RIMS2: variants seen among roughly 807,000 people sequenced by gnomAD.
The protein encoded by RIMS2 is regulating synaptic membrane exocytosis 2, also known as regulating synaptic membrane exocytosis protein 2.
RIMS2 carries 59 observed loss-of-function variants against 174.4 expected under a neutral mutation model. That is an observed-to-expected ratio of 0.34 (90% CI 0.27 to 0.42). RIMS2 has a LOEUF of 0.42. RIMS2 is among the 10% of genes least tolerant of loss of function. RIMS2 has a pLI of 1.00. For missense variants in RIMS2, 1,620 were observed against 1,666.3 expected (o/e 0.97, Z 0.48); for synonymous variants, 606 against 572.5 (o/e 1.06, Z -0.84).
chr8:104,027,179 T>G (rs1262847191), intron 19 of RIMS2, among the ~76,000 whole-genome samples: 3 of 152,154 alleles, frequency 2.0e-5, no homozygotes. Context: ...CATCCGGTAT[T>G]TGATGGCCTG....
chr8:103,790,459 T>A (rs2098486156), intron 3 of RIMS2, among the ~76,000 whole-genome samples: 1 of 152,228 alleles, frequency 6.6e-6, no homozygotes, highest in African/African-American at 2.4e-5. Flanking sequence ...TGATGGAATA[T>A]TTCATTGTAT....
At chr8:103,938,557 A>G (rs1420613832) in intron 13 of RIMS2, among the ~76,000 whole-genome samples, 1 of 152,136 alleles carries the variant, frequency 6.6e-6, no homozygotes, top group Non-Finnish European at 1.5e-5. Flanking sequence ...AAACCATATC[A>G]TTCCATTCTG....
intron 9 of RIMS2, among the ~76,000 whole-genome samples, chr8:103,920,305 T>C (rs2077361070): frequency 6.6e-6 from 1 of 152,168 alleles, no homozygotes; most frequent in South Asian, 2.1e-4. Context: ...GAGCTATCAT[T>C]GTCCCTACAT....
intron 1 of RIMS2, among the ~76,000 whole-genome samples, chr8:103,550,340 C>T (rs1378174487): frequency 1.3e-5 from 2 of 152,140 alleles, no homozygotes; most frequent in South Asian, 2.1e-4. Flanking sequence ...ATTGAACAAC[C>T]TGTCCTGAAT....
Position 103,607,399 on chromosome 8 carries a change from G to T in RIMS2, c.177-89687G>T, listed in dbSNP as rs553944151. ...GTTAGTCTGATGGGCTTCCCTTTGA[G>T]GGTAACCCGACCTTTCTCTCTGGCT... is the stretch of plus-strand genomic sequence containing the variant. On this transcript the variant is annotated intron_variant, in intron 1 of 23. Transcript: ENST00000504942. Among the ~76,000 whole-genome samples the T allele has an allele frequency of 3.6e-3, 544 of 151,924 alleles. 2 individuals carry two copies. Among genetic ancestry groups the T allele is most frequent in the Non-Finnish European group, 5.3e-3 (359 of 67,956 alleles).
At chr8:103,664,243 C>T (rs1043274618) in intron 1 of RIMS2, among the ~76,000 whole-genome samples, 23 of 152,052 alleles carry the variant, frequency 1.5e-4, no homozygotes, top group African/African-American at 4.1e-4. Context: ...ACTAAAACAC[C>T]GAAAGCAATG....
At position 104,144,672 on chromosome 8, in the gene RIMS2, A is replaced by G. The variant is rs141326663; in HGVS notation, c.3335-100244A>G. Among the ~76,000 whole-genome samples, 1,426 of 152,238 alleles carry G rather than the reference A, an allele frequency of 9.4e-3. 26 individuals are homozygous for G. Among genetic ancestry groups the G allele is most frequent in the African/African-American group, 0.032 (1,324 of 41,538 alleles). ...TATATCCTTTCATATTTTTGGCTAC[A>G]TACATTTATATTTTTCCCCTAAAAA... On this transcript the variant is annotated intron_variant, in intron 19 of 23. Transcript: ENST00000504942.
At chr8:103,658,784 C>T (rs1226545272) in intron 1 of RIMS2, among the ~76,000 whole-genome samples, 3 of 150,366 alleles carry the variant, frequency 2.0e-5, no homozygotes, top group Non-Finnish European at 4.5e-5. Context: ...ACTAAATGTG[C>T]AGATCTCAGG....
intron 2 of RIMS2, among the ~76,000 whole-genome samples, chr8:103,717,321 A>C (rs2097383419): frequency 6.6e-6 from 1 of 151,234 alleles, no homozygotes; most frequent in Non-Finnish European, 1.5e-5. Flanking sequence ...AAAAAAAAAA[A>C]AACCTGTAGG....
chr8:103,815,743 TACATGA>T (rs2098714462), intron 3 of RIMS2, among the ~76,000 whole-genome samples: 1 of 152,166 alleles, frequency 6.6e-6, no homozygotes, highest in African/African-American at 2.4e-5. Context: ...AAATAAAAGA[TACATGA>T]ACATAATTGT....
intron 19 of RIMS2, among the ~76,000 whole-genome samples, chr8:104,154,805 C>T (rs1397564104): frequency 1.3e-5 from 2 of 152,180 alleles, no homozygotes; most frequent in African/African-American, 4.8e-5. Context: ...TAATCATTTA[C>T]TCATCTATCT....
At chr8:104,117,585 C>G (rs2098299327) in intron 19 of RIMS2, among the ~76,000 whole-genome samples, 3 of 152,054 alleles carry the variant, frequency 2.0e-5, no homozygotes, top group Admixed American at 6.6e-5. Context: ...AAGCAATCCC[C>G]CCTTCCTGGG....
At chr8:103,779,218 GT>G (rs928518525) in intron 3 of RIMS2, among the ~76,000 whole-genome samples, 8 of 151,916 alleles carry the variant, frequency 5.3e-5, no homozygotes, top group Non-Finnish European at 1.2e-4. Flanking sequence ...TTTGTTTATT[GT>G]TTTCTTTTCT....
chr8:104,171,218 T>C (rs1586482780), intron 19 of RIMS2, among the ~76,000 whole-genome samples: 2 of 152,262 alleles, frequency 1.3e-5, no homozygotes, highest in African/African-American at 4.8e-5. Context: ...TCCTCAACTA[T>C]TACCTGAAAT....
At chr8:103,551,798 A>G (rs1230202068) in intron 1 of RIMS2, among the ~76,000 whole-genome samples, 1 of 152,182 alleles carries the variant, frequency 6.6e-6, no homozygotes, top group Non-Finnish European at 1.5e-5. Context: ...GCATTCCTAT[A>G]AACCAATAAC....
chr8:103,588,412 A>G (rs1684367138), intron 1 of RIMS2, among the ~76,000 whole-genome samples: 1 of 151,850 alleles, frequency 6.6e-6, no homozygotes, highest in South Asian at 2.1e-4. Flanking sequence ...ATATTATCCT[A>G]AAATTTATAT....
At chr8:103,907,073 A>G (rs2074574513) in intron 4 of RIMS2, among the ~76,000 whole-genome samples, 1 of 152,238 alleles carries the variant, frequency 6.6e-6, no homozygotes, top group African/African-American at 2.4e-5. Context: ...TTAGTTTCTT[A>G]AAAGAATTGC....
At chr8:104,212,956 A>G (rs2099112081) in intron 19 of RIMS2, among the ~76,000 whole-genome samples, 1 of 152,112 alleles carries the variant, frequency 6.6e-6, no homozygotes, top group South Asian at 2.1e-4. Flanking sequence ...TAAGATCTTT[A>G]ACTCAATTTT....
intron 4 of RIMS2, among the ~76,000 whole-genome samples, chr8:103,900,766 G>C (rs566734723): frequency 2.9e-4 from 44 of 152,184 alleles, no homozygotes; most frequent in African/African-American, 1.0e-3. Context: ...CACTTTCCAT[G>C]ATGTTAGAGT....
Sources: gnomAD v4.1 joint callset for allele counts (sites outside exome capture counted in the v4.1 genomes callset) on GRCh38, gnomAD v4.1.1 for gene constraint, MANE v1.5 for transcripts, NCBI Gene and HGNC (gene_info 2026-07-23, HGNC 2026-07-21) for gene names.